Variants in PALM2AKAP2 observed in about 807,000 individuals in gnomAD.
PALM2AKAP2 encodes the protein PALM2-AKAP2 fusion protein.
A neutral mutation model predicts 71.5 loss-of-function variants in PALM2AKAP2; 37 were observed. That is an observed-to-expected ratio of 0.52 (90% CI 0.40 to 0.68). The LOEUF (loss-of-function observed/expected upper bound fraction) is 0.68, where lower values mean the gene tolerates loss of function less well. Among genes scored for constraint, PALM2AKAP2 ranks in the 30% least tolerant of loss-of-function variants. PALM2AKAP2 has a pLI of 0.00. For missense variants in PALM2AKAP2, 1,224 were observed against 1,191.8 expected (o/e 1.03, Z -0.40); for synonymous variants, 468 against 478.8 (o/e 0.98, Z 0.29).
chr9:110,068,087 CTTTTTTTTTTT>C (rs5899875), intron 1 of PALM2AKAP2, among the ~76,000 whole-genome samples: 1 of 122,938 alleles, frequency 8.1e-6, no homozygotes, highest in Non-Finnish European at 1.6e-5. Context: ...GTTCCAAACT[CTTTTTTTTTTT>C]TTTTTTGGTA....
At position 110,029,613 on chromosome 9, in the gene PALM2AKAP2, G is replaced by A. The variant is rs1486874264; in HGVS notation, c.582+13574G>A. Among the ~76,000 whole-genome samples the A allele has an allele frequency of 2.6e-5, 4 of 152,178 alleles. No individual in the cohort carries two copies. In the East Asian group the frequency reaches 5.8e-4, roughly 22 times the overall value. The stretch of plus-strand genomic sequence containing the variant: ...TATGTCAGAGCCTGTCTGCAGATAA[G>A]CCTCATTTCTTAAGAATAATCTGTC... On this transcript the variant is annotated intron_variant, in intron 7 of 9. Coordinates refer to the PALM2AKAP2 transcript ENST00000302798.
chr9:109,643,404 C>T (rs915095494), intron 1 of PALM2AKAP2, among the ~76,000 whole-genome samples: 9 of 152,242 alleles, frequency 5.9e-5, no homozygotes, highest in Non-Finnish European at 1.5e-5. Context: ...TATGCTCTCA[C>T]ATGGATAATC....
chr9:109,738,505 A>G (rs780406220), intron 1 of PALM2AKAP2, among the ~76,000 whole-genome samples: 14 of 152,258 alleles, frequency 9.2e-5, no homozygotes, highest in Non-Finnish European at 1.9e-4. Flanking sequence ...ATAAAAGATC[A>G]ATATAAAAAC....
intron 7 of PALM2AKAP2, chr9:110,025,241 C>T: frequency 1.8e-6 from 2 of 1,134,200 alleles, no homozygotes; most frequent in Non-Finnish European, 2.6e-6. Flanking sequence ...TTGATGTCTA[C>T]AATATCACCT....
intron 1 of PALM2AKAP2, among the ~76,000 whole-genome samples, chr9:110,061,533 C>T (rs1833964849): frequency 6.6e-6 from 1 of 151,388 alleles, no homozygotes; most frequent in Non-Finnish European, 1.5e-5. Context: ...GAAAGTCAGG[C>T]CCTATTTCCA....
At chr9:109,901,897 A>G (rs988332491) in intron 3 of PALM2AKAP2, among the ~76,000 whole-genome samples, 2 of 152,200 alleles carry the variant, frequency 1.3e-5, no homozygotes, top group African/African-American at 4.8e-5. Flanking sequence ...GGGCCAGAGA[A>G]AGAATCAGAC....
chr9:109,944,921 C>T (rs1396713368), intron 6 of PALM2AKAP2: 2 of 152,034 alleles, frequency 1.3e-5, no homozygotes, highest in African/African-American at 2.4e-5. Context: ...CCATTTATAG[C>T]ATTGTTATGA....
rs1832412965 is a variant in PALM2AKAP2 at position 109,988,105 on chromosome 9, G to A, written c.497-27849G>A. Among the ~76,000 whole-genome samples the A allele has an allele frequency of 2.0e-5, 3 of 152,196 alleles. No individual in the cohort carries two copies. The South Asian group carries it at 6.2e-4, about 31-fold the overall frequency. ...GTGGCCTAGGTTATTATTATCTCAA[G>A]AGGCAAAACTGCTTTATAGTACCAA... On this transcript the variant is annotated intron_variant, in intron 6 of 9. Transcript: ENST00000302798.
chr9:109,902,516 A>C (rs1830352567), intron 3 of PALM2AKAP2, among the ~76,000 whole-genome samples: 1 of 152,240 alleles, frequency 6.6e-6, no homozygotes, highest in African/African-American at 2.4e-5. Flanking sequence ...TAATGAAGTA[A>C]AAGTAGCTGG....
chr9:109,679,051 C>T (rs565003702), intron 1 of PALM2AKAP2, among the ~76,000 whole-genome samples: 1 of 152,138 alleles, frequency 6.6e-6, no homozygotes, highest in Non-Finnish European at 1.5e-5. Context: ...GCACCAAAAG[C>T]TTTGCCTCTG....
chr9:110,079,669 G>T (rs781325235), intron 1 of PALM2AKAP2, among the ~76,000 whole-genome samples: 13 of 152,110 alleles, frequency 8.5e-5, no homozygotes, highest in Non-Finnish European at 8.8e-5. Flanking sequence ...TGTCTAGAAG[G>T]CATATATGGA....
At chr9:109,880,403 A>C in intron 2 of PALM2AKAP2, 148 bp from the exon 3 acceptor site, 1 of 1,162,084 alleles carries the variant, frequency 8.6e-7, no homozygotes, top group Non-Finnish European at 1.2e-6. Context: ...TCTAGAGGGA[A>C]GTAGGGAGCC....
intron 1 of PALM2AKAP2, among the ~76,000 whole-genome samples, chr9:109,811,047 C>G (rs1386108292): frequency 6.6e-6 from 1 of 152,138 alleles, no homozygotes; most frequent in Non-Finnish European, 1.5e-5. Flanking sequence ...GTGAAATAAT[C>G]CTCTCAGACA....
At chr9:109,775,607 G>C (rs1829338657), upstream of PALM2AKAP2, among the ~76,000 whole-genome samples, 1 of 152,186 alleles carries the variant, frequency 6.6e-6, no homozygotes, top group Non-Finnish European at 1.5e-5. Flanking sequence ...AGGCAAAAAA[G>C]AACTAACACA....
chr9:110,005,809 G>T (rs1431745488), intron 6 of PALM2AKAP2, among the ~76,000 whole-genome samples: 1 of 152,220 alleles, frequency 6.6e-6, no homozygotes, highest in Non-Finnish European at 1.5e-5. Flanking sequence ...CTCTGTGGGT[G>T]TGGGACCCTC....
At chr9:110,074,054 T>A (rs1834266772) in intron 1 of PALM2AKAP2, among the ~76,000 whole-genome samples, 1 of 152,206 alleles carries the variant, frequency 6.6e-6, no homozygotes, top group Admixed American at 6.5e-5. Context: ...CACCATTTGA[T>A]GAGATGCACA....
intron 1 of PALM2AKAP2, among the ~76,000 whole-genome samples, chr9:109,819,709 G>T (rs867726121): frequency 8.0e-6 from 1 of 124,888 alleles, no homozygotes; most frequent in Non-Finnish European, 1.9e-5. Context: ...GTGTGTATGT[G>T]TGTGTGTGTG....
intron 1 of PALM2AKAP2, among the ~76,000 whole-genome samples, chr9:110,076,014 T>C (rs1352799537): frequency 3.3e-5 from 5 of 152,282 alleles, no homozygotes; most frequent in African/African-American, 1.2e-4. Flanking sequence ...TACAATACTA[T>C]TACCTAATAT....
At chr9:110,067,517 G>A (rs994931636) in intron 1 of PALM2AKAP2, among the ~76,000 whole-genome samples, 1 of 152,140 alleles carries the variant, frequency 6.6e-6, no homozygotes, top group Non-Finnish European at 1.5e-5. Flanking sequence ...GAAAACATGT[G>A]AGTCTCCTTC....
Sources: gnomAD v4.1 joint callset for allele counts (sites outside exome capture counted in the v4.1 genomes callset) on GRCh38, gnomAD v4.1.1 for gene constraint, MANE v1.5 for transcripts, NCBI Gene and HGNC (gene_info 2026-07-23, HGNC 2026-07-21) for gene names.